Variants in ZWILCH observed in about 807,000 individuals in gnomAD.
The protein encoded by ZWILCH is zwilch kinetochore protein, also known as protein zwilch homolog.
ZWILCH carries 74 observed loss-of-function variants against 79.9 expected under a neutral mutation model. The observed-to-expected ratio is 0.93, with a 90% confidence interval of 0.77 to 1.12. ZWILCH has a LOEUF of 1.12. Among genes scored for constraint, ZWILCH ranks in the 50% most tolerant of loss-of-function variants. The pLI is 0.00. For synonymous variants in ZWILCH, 241 were observed against 228.2 expected, an observed-to-expected ratio of 1.06 and a Z score of -0.51; for missense variants, 694 against 687.5, an observed-to-expected ratio of 1.01 and a Z score of -0.11.
intron 2 of ZWILCH, among the ~76,000 whole-genome samples, chr15:66,511,924 C>T (rs1017609731): frequency 6.6e-6 from 1 of 152,088 alleles, no homozygotes; most frequent in Admixed American, 6.6e-5. Flanking sequence ...CGTGAAAATG[C>T]TTAATATGTT....
At chr15:66,519,106 T>C (rs199504794) in intron 5 of ZWILCH, 28 bp downstream of exon 5, 2 of 1,595,830 alleles carry the variant, frequency 1.3e-6, no homozygotes, top group African/African-American at 2.7e-5. Context: ...AGAGTGTGTG[T>C]GTGTATTTAT....
At chr15:66,506,168 A>G (rs992843746) in intron 1 of ZWILCH, among the ~76,000 whole-genome samples, 2 of 152,160 alleles carry the variant, frequency 1.3e-5, no homozygotes, top group Non-Finnish European at 2.9e-5. Flanking sequence ...ATGATTTCCT[A>G]AATGTTATAA....
intron 2 of ZWILCH, among the ~76,000 whole-genome samples, chr15:66,512,130 CAAA>C (rs1894089423): frequency 6.6e-6 from 1 of 152,062 alleles, no homozygotes; most frequent in Admixed American, 6.6e-5. Flanking sequence ...AGTTATGTGA[CAAA>C]AGAGCTGTGG....
intron 18 of ZWILCH, chr15:66,547,572 T>A (rs889527094): frequency 4.6e-5 from 7 of 152,150 alleles, no homozygotes; most frequent in African/African-American, 1.7e-4. Flanking sequence ...AAGACGATAT[T>A]GAGTTACCTA....
At position 66,520,187 on chromosome 15, in the gene ZWILCH, C is replaced by G. The variant is rs150366957; in HGVS notation, c.521-403C>G. The stretch of plus-strand genomic sequence containing the variant: ...CCAGGCTGGAGTGCAGTGGCGCAAT[C>G]ATGGCTCACTGCAGCCTCGACCTCC... On this transcript the variant is annotated intron_variant, in intron 5 of 18. Transcript: ENST00000307897. Among the ~76,000 whole-genome samples the G allele has an allele frequency of 3.7e-3, 568 of 152,200 alleles. 4 individuals are homozygous for G. Among genetic ancestry groups the G allele is most frequent in the Non-Finnish European group, 6.9e-3 (468 of 68,012 alleles).
chr15:66,515,480 C>A, intron 3 of ZWILCH, 46 bp from the exon 4 acceptor site: 1 of 1,192,294 alleles, frequency 8.4e-7, no homozygotes, highest in Non-Finnish European at 1.2e-6. Context: ...AGCTGCTATC[C>A]TATATGCTCT....
chr15:66,549,152 A>T lies in ZWILCH; in HGVS notation c.*828A>T, dbSNP rs760112373. 1 of 152,316 alleles carries T rather than the reference A, an allele frequency of 6.6e-6. No individual in the cohort carries two copies. The highest frequency in any genetic ancestry group is 2.1e-4 in the South Asian group (1 of 4,832). 9.4% of individuals were successfully genotyped at this position (152,316 alleles called of 1,614,324 possible). On this transcript the variant is annotated 3_prime_UTR_variant, in exon 19 of 19. Transcript: ENST00000307897. ...GGCCACTTAGGTAATACCCACTTTT[A>T]TCTTGTGTGCTGGGTACTCTGGTTA...
At chr15:66,506,259 A>C (rs1893812665) in intron 1 of ZWILCH, among the ~76,000 whole-genome samples, 1 of 152,134 alleles carries the variant, frequency 6.6e-6, no homozygotes, top group African/African-American at 2.4e-5. Flanking sequence ...TAGAAAGAGC[A>C]CTAGCTTTTA....
chr15:66,514,073 T>C lies in ZWILCH; in HGVS notation c.191T>C (p.Val64Ala), dbSNP rs1161005601. The change falls in exon 3 of 19, where the codon GTG (valine) becomes GCG (alanine). Residue 64 changes from valine to alanine, a missense_variant. Coordinates refer to ENST00000307897, the MANE Select transcript of ZWILCH (RefSeq NM_017975.5). ...ILNENDIVFI[V>A]EKVPLEKEET... Reference sequence around the variant, plus strand: ...AATGAAAATGACATAGTATTCATAGTGGAAAAAGTGGTAAGTACTGGTTTG... The same window carrying C: ...AATGAAAATGACATAGTATTCATAGCGGAAAAAGTGGTAAGTACTGGTTTG... The C allele has an allele frequency of 1.2e-6, 2 of 1,606,172 alleles. No individual in the cohort carries two copies. Among genetic ancestry groups the C allele is most frequent in the Non-Finnish European group, 1.7e-6 (2 of 1,176,604 alleles).
Position 66,523,678 on chromosome 15 carries a change from A to G in ZWILCH, c.749A>G (p.Asn250Ser). 4 of 1,609,782 alleles carry G rather than the reference A, an allele frequency of 2.5e-6. No individual in the cohort carries two copies. The highest frequency in any genetic ancestry group is 2.2e-5 in the East Asian group (1 of 44,812). The change falls in exon 8 of 19, where the codon AAT (asparagine) becomes AGT (serine). Residue 250 changes from asparagine to serine, a missense_variant and splice_region_variant. Asn to Ser is a conservative substitution (Grantham distance 46). Coordinates refer to ENST00000307897, the MANE Select transcript of ZWILCH (RefSeq NM_017975.5). ...TGACAGACTTTGGAAACTTTTTAGA[A>G]TATTAAAGTGGAATCAGGAGAGCCC... The part of the protein sequence containing the change: ...IPPLSSTATL[N>S]IKVESGEPRG...
At chr15:66,515,672 G>GTGGCAAC in intron 4 of ZWILCH, 28 bp downstream of exon 4, 1 of 1,436,918 alleles carries the variant, frequency 7.0e-7, no homozygotes. Flanking sequence ...CTGAGTAGGG[G>GTGGCAAC]TGGCAACTAG....
At chr15:66,536,199 T>G in intron 15 of ZWILCH, 130 bp downstream of exon 15, 1 of 771,966 alleles carries the variant, frequency 1.3e-6, no homozygotes, top group East Asian at 3.0e-5. Flanking sequence ...GTAGCATGCA[T>G]GAGTCTAAGT....
intron 17 of ZWILCH, among the ~76,000 whole-genome samples, chr15:66,540,633 T>G (rs985225503): frequency 1.3e-5 from 2 of 150,520 alleles, no homozygotes; most frequent in Non-Finnish European, 1.5e-5. Flanking sequence ...GTATTTTCTT[T>G]CTTTTTTTTT....
chr15:66,543,757 AG>A (rs200626158), intron 17 of ZWILCH, among the ~76,000 whole-genome samples: 1,948 of 150,402 alleles, frequency 0.013, 34 homozygotes, highest in African/African-American at 0.044. Flanking sequence ...ACCCTGTCTC[AG>A]AAAAAAAAAA....
rs1895322740 is a variant in ZWILCH, at chr15:66,544,916, G to T, written c.1688-1675G>T. On this transcript the variant is annotated intron_variant, in intron 17 of 18. Coordinates refer to ENST00000307897, the MANE Select transcript of ZWILCH (RefSeq NM_017975.5). The stretch of plus-strand genomic sequence containing the variant: ...GTGCCACCACGCCTGGCTAATTTTT[G>T]TATTTTTAGTAGAGATGGGGTTTCA... Among the ~76,000 whole-genome samples the T allele has an allele frequency of 2.7e-5, 4 of 150,930 alleles. No individual in the cohort carries two copies. The South Asian group carries it at 8.5e-4, about 32-fold the overall frequency.
intron 15 of ZWILCH, 76 bp from the exon 16 acceptor site, chr15:66,537,092 C>T (rs1240569636): frequency 2.9e-5 from 32 of 1,098,716 alleles, no homozygotes; most frequent in African/African-American, 2.0e-4. Context: ...GTTTCCCTTA[C>T]GAGCTTTAGA....
chr15:66,513,401 A>G (rs546142640), intron 2 of ZWILCH, among the ~76,000 whole-genome samples: 91 of 151,876 alleles, frequency 6.0e-4, no homozygotes, highest in African/African-American at 2.1e-3. Context: ...CCCCATCTGT[A>G]TGAAAAATAA....
rs1386578802 is a variant in ZWILCH, at chr15:66,513,926, G to A, written c.106-62G>A. On this transcript the variant is annotated intron_variant, in intron 2 of 18. Transcript: ENST00000307897. The stretch of plus-strand genomic sequence containing the variant: ...TGACTTGCATAGAACTGGTCTTTAT[G>A]TGTTTAGATAGTAGAAATATATAAG... 9 of 1,309,108 alleles carry A rather than the reference G, an allele frequency of 6.9e-6. No individual in the cohort carries two copies. The Admixed American group carries it at 1.9e-4, about 27-fold the overall frequency. 81.1% of individuals were successfully genotyped at this position (1,309,108 alleles called of 1,614,324 possible).
intron 1 of ZWILCH, chr15:66,505,720 C>A (rs1011165608): frequency 1.3e-5 from 5 of 380,610 alleles, no homozygotes; most frequent in Non-Finnish European, 2.4e-5. Flanking sequence ...GTGTTGGCAT[C>A]CTTCCCCTGT....
Sources: allele counts gnomAD v4.1 joint callset (sites outside exome capture counted in the v4.1 genomes callset), GRCh38; gene constraint gnomAD v4.1.1; transcripts MANE v1.5; gene names NCBI Gene and HGNC (gene_info 2026-07-23, HGNC 2026-07-21).